The following ABCA13 variants were observed in gnomAD, a reference collection of about 807,000 sequenced individuals.
ABCA13 encodes ATP-binding cassette sub-family A member 13.
ABCA13 carries 476 observed loss-of-function variants against 478.7 expected under a neutral mutation model. That is an observed-to-expected ratio of 0.99 (90% CI 0.92 to 1.07). The LOEUF is 1.07. ABCA13 is among the 50% of genes least tolerant of loss of function. The pLI, the probability that ABCA13 is intolerant of heterozygous loss-of-function variation, is 0.00. For synonymous variants in ABCA13, 2,252 were observed against 2,158.9 expected (o/e 1.04, Z -1.20); for missense variants, 6,060 against 5,910.6 (o/e 1.03, Z -0.83).
chr7:48,374,298 C>T (rs760678554), intron 33 of ABCA13, 49 bp from the exon 34 acceptor site: 2 of 1,532,954 alleles, frequency 1.3e-6, no homozygotes, highest in Non-Finnish European at 1.8e-6. Context: ...TTTCTGTGGT[C>T]CCAATCAAAA....
chr7:48,256,998 T>G (rs1020817486), intron 15 of ABCA13, among the ~76,000 whole-genome samples: 4 of 152,202 alleles, frequency 2.6e-5, no homozygotes, highest in Admixed American at 6.5e-5. Flanking sequence ...CAGTGTTTTT[T>G]AATTCTCATT....
At position 48,325,419 on chromosome 7, in the gene ABCA13, G is replaced by A. The variant is rs186795548; in HGVS notation, c.9999+8123G>A. Among the ~76,000 whole-genome samples, 433 of 152,198 alleles carry A rather than the reference G, an allele frequency of 2.8e-3. 1 individual carries two copies. The highest frequency in any genetic ancestry group is 7.3e-3 in the East Asian group (38 of 5,172). On this transcript the variant is annotated intron_variant, in intron 27 of 61. Transcript: ENST00000435803. ...CCCTTAGATTAGCTTGTGTGGCTTC[G>A]TACCTTTGCCAGCATCACATCCCAA...
chr7:48,607,396 G>A (rs1411776579), intron 58 of ABCA13, among the ~76,000 whole-genome samples: 3 of 142,342 alleles, frequency 2.1e-5, no homozygotes, highest in Non-Finnish European at 4.5e-5. Flanking sequence ...CAGTCTCAAT[G>A]AGATGAACCG....
At chr7:48,569,818 C>G (rs1034859401) in intron 55 of ABCA13, among the ~76,000 whole-genome samples, 2 of 152,182 alleles carry the variant, frequency 1.3e-5, no homozygotes, top group Admixed American at 6.5e-5. Flanking sequence ...CGCTACTGCA[C>G]CCAGCTAATA....
intron 2 of ABCA13, among the ~76,000 whole-genome samples, chr7:48,193,283 C>A (rs1418429098): frequency 6.6e-6 from 1 of 152,114 alleles, no homozygotes; most frequent in Non-Finnish European, 1.5e-5. Context: ...TAGATTTATT[C>A]TTCCAATTAA....
At chr7:48,370,881 T>C (rs1415941913) in intron 32 of ABCA13, among the ~76,000 whole-genome samples, 2 of 151,950 alleles carry the variant, frequency 1.3e-5, no homozygotes, top group African/African-American at 4.8e-5. Flanking sequence ...ATAACAAAGA[T>C]GAGAGAATAA....
At chr7:48,487,514 AC>A (rs1348553290) in intron 47 of ABCA13, among the ~76,000 whole-genome samples, 1 of 152,138 alleles carries the variant, frequency 6.6e-6, no homozygotes, top group East Asian at 1.9e-4. Context: ...TACTTTTAAA[AC>A]AAAAATTAAA....
chr7:48,478,293 T>TTATATATATA lies in ABCA13; in HGVS notation c.12976-2734_12976-2725dup, dbSNP rs3078321. ...TTTTATATATATCATATATATCATT[T>TTATATATATA]TATATATATATATATATAATCACAC... On this transcript the variant is annotated intron_variant, in intron 45 of 61. Transcript: ENST00000435803. Among the ~76,000 whole-genome samples, 56 of 132,832 alleles carry TTATATATATA rather than the reference T, an allele frequency of 4.2e-4. 1 individual carries two copies. Among genetic ancestry groups the TTATATATATA allele is most frequent in the South Asian group, 2.1e-3 (9 of 4,268 alleles). 87.1% of individuals were successfully genotyped at this position (132,832 alleles called of 152,430 possible). A position where few individuals can be genotyped will look rare whatever the true frequency, so the allele number is the denominator to read the frequency against.
chr7:48,588,237 T>G (rs1789382981), intron 57 of ABCA13, among the ~76,000 whole-genome samples: 1 of 152,244 alleles, frequency 6.6e-6, no homozygotes, highest in South Asian at 2.1e-4. Context: ...GACTATTGTA[T>G]AGTTTCATAT....
At chr7:48,299,116 A>G (rs1018107382) in intron 23 of ABCA13, among the ~76,000 whole-genome samples, 31 of 152,346 alleles carry the variant, frequency 2.0e-4, no homozygotes, top group Middle Eastern at 3.4e-3. Context: ...TGTTTTCCAC[A>G]GCAGATATCA....
At chr7:48,638,034 T>C (rs1028491774) in intron 59 of ABCA13, among the ~76,000 whole-genome samples, 2 of 152,310 alleles carry the variant, frequency 1.3e-5, no homozygotes, top group Non-Finnish European at 1.5e-5. Flanking sequence ...ACAGCCAGAA[T>C]AGGGCCTTGC....
At chr7:48,514,725 G>C (rs900314644) in intron 51 of ABCA13, among the ~76,000 whole-genome samples, 2 of 151,980 alleles carry the variant, frequency 1.3e-5, no homozygotes, top group African/African-American at 4.8e-5. Context: ...TATGTGTTGG[G>C]GTTTGAATTC....
Position 48,367,815 on chromosome 7 carries a change from C to CT in ABCA13, c.10716dup (p.Pro3573SerfsTer22). On this transcript the variant is annotated frameshift_variant, in exon 32 of 62. Coordinates refer to ENST00000435803, the MANE Select transcript of ABCA13 (RefSeq NM_152701.5). LOFTEE classifies it high-confidence loss of function. ...ACAGATTCCTGAACAACGTTGGTTT[C>CT]TTTTTTCCACTGATAATGATGCTGA... The CT allele has an allele frequency of 6.4e-7, 1 of 1,569,518 alleles. No individual in the cohort carries two copies. Among genetic ancestry groups the CT allele is most frequent in the Non-Finnish European group, 8.7e-7 (1 of 1,155,882 alleles).
Position 48,275,404 on chromosome 7 carries a change from T to A in ABCA13, c.5738T>A (p.Leu1913His). ...LSEVFHVNISLVKTVQKFWHK... is the reference protein window; with the variant it reads ...LSEVFHVNISHVKTVQKFWHK... ...GAAGTCTTCCATGTTAACATTTCTCTTGTGAAAACTGTGCAGAAATTTTGG... is the reference window on the plus strand; with the variant it reads ...GAAGTCTTCCATGTTAACATTTCTCATGTGAAAACTGTGCAGAAATTTTGG... Residue 1913 changes from leucine to histidine, a missense_variant, in exon 17 of 62, where the codon CTT (leucine) becomes CAT (histidine). Leu to His is a moderately conservative substitution (Grantham distance 99). Around this residue, in one of 3 missense-constraint regions of ABCA13, gnomAD observed 4,423 missense variants for 4,309.1 expected, o/e 1.03. Transcript: ENST00000435803. The A allele has an allele frequency of 6.2e-7, 1 of 1,613,972 alleles. No individual in the cohort carries two copies. The highest frequency in any genetic ancestry group is 8.5e-7 in the Non-Finnish European group (1 of 1,179,886).
chr7:48,507,208 A>G (rs1460322075), intron 49 of ABCA13, among the ~76,000 whole-genome samples: 2 of 152,186 alleles, frequency 1.3e-5, no homozygotes, highest in Non-Finnish European at 2.9e-5. Flanking sequence ...GACACGATGG[A>G]GCAGAAGGCA....
intron 53 of ABCA13, 100 bp downstream of exon 53, chr7:48,520,394 G>A: frequency 7.4e-7 from 1 of 1,359,738 alleles, no homozygotes; most frequent in South Asian, 1.6e-5. Flanking sequence ...AATTATATCT[G>A]ATCAGCATTA....
chr7:48,513,249 C>T (rs1363729908), intron 51 of ABCA13, among the ~76,000 whole-genome samples: 1 of 152,160 alleles, frequency 6.6e-6, no homozygotes, highest in Non-Finnish European at 1.5e-5. Flanking sequence ...CACGTCCAGG[C>T]ATTAAATGGC....
intron 15 of ABCA13, 130 bp from the exon 16 acceptor site, chr7:48,268,850 C>CTTTTTTTTTT (rs57201740): frequency 2.4e-5 from 6 of 245,568 alleles, no homozygotes; most frequent in Non-Finnish European, 3.8e-5. Flanking sequence ...TCCTACTCAT[C>CTTTTTTTTTT]TTTTTTTTTT....
At chr7:48,589,765 G>T (rs1477038574) in intron 57 of ABCA13, among the ~76,000 whole-genome samples, 1 of 152,142 alleles carries the variant, frequency 6.6e-6, no homozygotes, top group Non-Finnish European at 1.5e-5. Flanking sequence ...GTCTGCTGAG[G>T]GTGCCAACCC....
Sources: gnomAD v4.1 joint callset for allele counts (sites outside exome capture counted in the v4.1 genomes callset) on GRCh38, gnomAD v4.1.1 for gene constraint, gnomAD v4.1.1 regional missense constraint, MANE v1.5 for transcripts, NCBI Gene and HGNC (gene_info 2026-07-23, HGNC 2026-07-21) for gene names.